Variants in COL21A1 observed in about 807,000 individuals in gnomAD.
The protein encoded by COL21A1 is collagen alpha-1(XXI) chain.
A neutral mutation model predicts 137.9 loss-of-function variants in COL21A1; 149 were observed. The ratio of observed to expected loss-of-function variants is 1.08; its 90% CI spans 0.95 to 1.24. The LOEUF is 1.24. COL21A1 is among the 50% of genes most tolerant of loss of function. The probability of loss-of-function intolerance (pLI) is 0.00; values close to 1 mark genes in which losing one functional copy is unlikely to be tolerated. For missense variants in COL21A1, 1,167 were observed against 1,158.4 expected, an observed-to-expected ratio of 1.01 and a Z score of -0.11; for synonymous variants, 456 against 391.5, an observed-to-expected ratio of 1.16 and a Z score of -1.95.
chr6:56,315,880 AT>A (rs1764719785), intron 1 of COL21A1, among the ~76,000 whole-genome samples: 1 of 152,200 alleles, frequency 6.6e-6, no homozygotes, highest in Non-Finnish European at 1.5e-5. Context: ...CAAAAAAAAG[AT>A]AAGTATGTGA....
At chr6:56,148,393 T>C (rs1775019264) in intron 10 of COL21A1, among the ~76,000 whole-genome samples, 1 of 90,494 alleles carries the variant, frequency 1.1e-5, no homozygotes, top group Admixed American at 1.0e-4. Context: ...AATAAATAAA[T>C]CTATTTGCCA....
chr6:56,081,358 G>A (rs563888484), intron 17 of COL21A1, among the ~76,000 whole-genome samples: 18 of 151,440 alleles, frequency 1.2e-4, no homozygotes, highest in Non-Finnish European at 1.8e-4. Context: ...ACTCGGGGAC[G>A]CCAACAAGTC....
chr6:56,345,559 C>G (rs1472380456), intron 1 of COL21A1, among the ~76,000 whole-genome samples: 1 of 152,196 alleles, frequency 6.6e-6, no homozygotes, highest in East Asian at 1.9e-4. Context: ...GCTCTTCCCA[C>G]TACATGACAA....
chr6:56,145,545 A>G (rs1248197146), intron 10 of COL21A1, among the ~76,000 whole-genome samples: 2 of 152,186 alleles, frequency 1.3e-5, no homozygotes, highest in East Asian at 3.8e-4. Flanking sequence ...ACAATTTCCA[A>G]GAGGAAAAAG....
chr6:56,385,794 C>G (rs943807979), intron 1 of COL21A1, among the ~76,000 whole-genome samples: 1 of 152,020 alleles, frequency 6.6e-6, no homozygotes, highest in East Asian at 1.9e-4. Context: ...CTGAATATTT[C>G]TTATAAAAGG....
At chr6:56,363,619 A>T (rs1312775217) in intron 1 of COL21A1, among the ~76,000 whole-genome samples, 1 of 152,226 alleles carries the variant, frequency 6.6e-6, no homozygotes, top group Non-Finnish European at 1.5e-5. Flanking sequence ...AGGGGCCATC[A>T]GGACTGAGAG....
chr6:56,124,698 G>C (rs1256587588), intron 14 of COL21A1, among the ~76,000 whole-genome samples: 2 of 152,162 alleles, frequency 1.3e-5, no homozygotes, highest in Non-Finnish European at 2.9e-5. Context: ...CTGGAGTGCA[G>C]TGGTGCAATC....
At chr6:56,065,456 T>C (rs1766158582) in intron 23 of COL21A1, among the ~76,000 whole-genome samples, 1 of 152,054 alleles carries the variant, frequency 6.6e-6, no homozygotes, top group Non-Finnish European at 1.5e-5. Context: ...GTAAGAGAGA[T>C]AAGCAATTAA....
At chr6:56,136,928 C>T (rs1434805833) in intron 12 of COL21A1, among the ~76,000 whole-genome samples, 1 of 152,124 alleles carries the variant, frequency 6.6e-6, no homozygotes, top group Non-Finnish European at 1.5e-5. Context: ...TCTCCCTCCC[C>T]TGCCTATCTT....
intron 1 of COL21A1, among the ~76,000 whole-genome samples, chr6:56,206,572 G>C (rs553145368): frequency 6.6e-6 from 1 of 151,558 alleles, no homozygotes; most frequent in African/African-American, 2.4e-5. Flanking sequence ...GTCAATATTA[G>C]ACAGATCAAT....
intron 1 of COL21A1, among the ~76,000 whole-genome samples, chr6:56,211,655 G>T (rs776487096): frequency 1.3e-5 from 2 of 152,092 alleles, no homozygotes; most frequent in Non-Finnish European, 2.9e-5. Flanking sequence ...GAGAGAGGAA[G>T]ATGTCACTCG....
chr6:56,270,840 C>T (rs1005058438), intron 1 of COL21A1, among the ~76,000 whole-genome samples: 3 of 152,186 alleles, frequency 2.0e-5, no homozygotes, highest in African/African-American at 7.2e-5. Flanking sequence ...GTGCCTGCTT[C>T]CCCTTCACCT....
At chr6:56,319,161 G>A (rs1431767309) in intron 1 of COL21A1, among the ~76,000 whole-genome samples, 3 of 152,004 alleles carry the variant, frequency 2.0e-5, no homozygotes, top group Non-Finnish European at 4.4e-5. Context: ...CTGTTTTGCT[G>A]GTTCTTTTCA....
At chr6:56,357,460 C>T (rs1003842369) in intron 1 of COL21A1, among the ~76,000 whole-genome samples, 4 of 152,176 alleles carry the variant, frequency 2.6e-5, no homozygotes, top group Non-Finnish European at 4.4e-5. Context: ...AAGAAATACA[C>T]AAGACACTAC....
At chr6:56,270,695 G>A (rs576066260) in intron 1 of COL21A1, among the ~76,000 whole-genome samples, 3 of 152,278 alleles carry the variant, frequency 2.0e-5, no homozygotes, top group South Asian at 4.1e-4. Context: ...ACATCTGGTA[G>A]GAGGTGACTG....
At chr6:56,269,062 A>G (rs1763460976) in intron 1 of COL21A1, among the ~76,000 whole-genome samples, 1 of 152,234 alleles carries the variant, frequency 6.6e-6, no homozygotes. Context: ...TCACATAAAA[A>G]TAAATCAAAA....
chr6:56,139,428 C>G (rs1027325978), intron 12 of COL21A1, among the ~76,000 whole-genome samples: 3 of 152,046 alleles, frequency 2.0e-5, no homozygotes, highest in African/African-American at 7.2e-5. Flanking sequence ...AGCCTATAAT[C>G]TATAATCTGT....
intron 17 of COL21A1, among the ~76,000 whole-genome samples, chr6:56,090,075 A>G (rs1768654451): frequency 6.6e-6 from 1 of 152,112 alleles, no homozygotes. Context: ...CCCTGTCTCT[A>G]CTAAAATACA....
intron 14 of COL21A1, among the ~76,000 whole-genome samples, chr6:56,124,838 G>A (rs12204069): frequency 0.15 from 23,194 of 151,396 alleles, 1,844 homozygotes; most frequent in Middle Eastern, 0.22. Flanking sequence ...CTAGAGACGG[G>A]GTTTCACCGT....
Sources: gnomAD v4.1 joint callset for allele counts (sites outside exome capture counted in the v4.1 genomes callset) on GRCh38, gnomAD v4.1.1 for gene constraint, MANE v1.5 for transcripts, NCBI Gene and HGNC (gene_info 2026-07-23, HGNC 2026-07-21) for gene names.